GNA15: variants seen among roughly 807,000 people sequenced by gnomAD.
GNA15 encodes the protein guanine nucleotide-binding protein subunit alpha-15.
A neutral mutation model predicts 40.1 loss-of-function variants in GNA15; 23 were observed. The ratio of observed to expected loss-of-function variants is 0.57; its 90% CI spans 0.41 to 0.81. The LOEUF is 0.81. GNA15 is among the 40% of genes least tolerant of loss of function. The pLI is 0.00. For synonymous variants in GNA15, 226 were observed against 210.4 expected, an observed-to-expected ratio of 1.07 and a Z score of -0.64; for missense variants, 522 against 515.8, an observed-to-expected ratio of 1.01 and a Z score of -0.12.
intron 6 of GNA15, among the ~76,000 whole-genome samples, chr19:3,160,657 T>C (rs1915120388): frequency 6.6e-6 from 1 of 152,164 alleles, no homozygotes; most frequent in Admixed American, 6.6e-5. Flanking sequence ...CGTAACAAAG[T>C]ACCACAAACT....
rs748644663 is a variant in GNA15, at chr19:3,150,297, G to C, written c.485+12G>C. ...GATTCAGCCGTGTAGTGAGTCTGGG[G>C]TCTGCGGGGGATGGGCGCGTGGGGA... is the stretch of plus-strand genomic sequence containing the variant. On this transcript the variant is annotated intron_variant, in intron 3 of 6. Transcript: ENST00000262958. The C allele has an allele frequency of 1.1e-5, 17 of 1,551,150 alleles. No homozygotes were observed. The highest frequency in any genetic ancestry group is 1.5e-5 in the Non-Finnish European group (17 of 1,148,972).
Position 3,136,523 on chromosome 19 carries a change from G to C in GNA15, c.73G>C (p.Asp25His). The change falls in exon 1 of 7, where the codon GAC becomes CAC. Residue 25 changes from aspartate to histidine, a missense_variant. Physicochemically the swap from Asp to His is moderately conservative, Grantham distance 81. Coordinates refer to ENST00000262958, the MANE Select transcript of GNA15 (RefSeq NM_002068.4). This position sits in a 1 kb window ranked among gnomAD's most constrained non-coding sequence, Gnocchi z 4.9. ...TEDEKAAARV[D>H]QEINRILLEQ... Reference sequence around the variant, plus strand: ...GGATGAGAAGGCCGCCGCCCGGGTGGACCAGGAGATCAACAGGATCCTCTT... The same window carrying C: ...GGATGAGAAGGCCGCCGCCCGGGTGCACCAGGAGATCAACAGGATCCTCTT... 1 of 1,567,506 alleles carries C rather than the reference G, an allele frequency of 6.4e-7. No individual in the cohort carries two copies. Among genetic ancestry groups the C allele is most frequent in the Non-Finnish European group, 8.6e-7 (1 of 1,156,510 alleles).
At chr19:3,162,116 C>G (rs551142797) in intron 6 of GNA15, among the ~76,000 whole-genome samples, 254 of 152,152 alleles carry the variant, frequency 1.7e-3, no homozygotes, top group African/African-American at 5.8e-3. Context: ...TGGAAGCACT[C>G]TACAAAGCTT....
At position 3,150,189 on chromosome 19, in the gene GNA15, G is replaced by A. The variant is rs765960537; in HGVS notation, c.389G>A (p.Arg130His). 2 of 1,613,246 alleles carry A rather than the reference G, an allele frequency of 1.2e-6. No individual in the cohort carries two copies. The highest frequency in any genetic ancestry group is 8.5e-7 in the Non-Finnish European group (1 of 1,179,754). ...DPYKVTTFEKRYAAAMQWLWR... is the reference protein window; with the variant it reads ...DPYKVTTFEKHYAAAMQWLWR... Reference sequence around the variant, plus strand: ...TATAAAGTGACCACGTTTGAGAAGCGCTACGCTGCGGCCATGCAGTGGCTG... The same window carrying A: ...TATAAAGTGACCACGTTTGAGAAGCACTACGCTGCGGCCATGCAGTGGCTG... The change falls in exon 3 of 7, where the codon CGC becomes CAC. Residue 130 changes from arginine (R) to histidine (H), a missense_variant. Transcript: ENST00000262958.
intron 5 of GNA15, among the ~76,000 whole-genome samples, chr19:3,157,331 C>T (rs1012341080): frequency 1.3e-5 from 2 of 152,134 alleles, no homozygotes; most frequent in Non-Finnish European, 2.9e-5. Flanking sequence ...ACAGCAGTCA[C>T]GGACTTGAGG....
At chr19:3,144,614 C>T (rs897246963) in intron 1 of GNA15, among the ~76,000 whole-genome samples, 9 of 151,234 alleles carry the variant, frequency 6.0e-5, no homozygotes, top group East Asian at 3.9e-4. Flanking sequence ...TTGCAAGCTC[C>T]GCCTCCCCGG....
chr19:3,148,634 G>T lies in GNA15; in HGVS notation c.189G>T (p.Arg63=), dbSNP rs1191612939. The change falls in exon 2 of 7, where the codon CGG becomes CGT. Residue 63 remains arginine (R), a synonymous_variant. Coordinates refer to ENST00000262958, the MANE Select transcript of GNA15 (RefSeq NM_002068.4). ...AGAGCACCTTCATCAAGCAGATGCG[G>T]ATCATCCACGGCGCCGGCTACTCGG... ...SGKSTFIKQM[R]IIHGAGYSEE... is the part of the protein sequence containing the mutation. 5 of 1,587,970 alleles carry T rather than the reference G, an allele frequency of 3.1e-6. No individual in the cohort carries two copies. The highest frequency in any genetic ancestry group is 4.3e-6 in the Non-Finnish European group (5 of 1,166,838).
At chr19:3,159,622 C>T (rs972261885) in intron 6 of GNA15, among the ~76,000 whole-genome samples, 11 of 152,182 alleles carry the variant, frequency 7.2e-5, no homozygotes, top group African/African-American at 2.2e-4. Flanking sequence ...GGATTACAGG[C>T]GTGAGCCACC....
intron 6 of GNA15, among the ~76,000 whole-genome samples, chr19:3,159,279 C>T (rs1915093366): frequency 6.6e-6 from 1 of 151,982 alleles, no homozygotes; most frequent in Admixed American, 6.6e-5. Flanking sequence ...CTGTCTCGGC[C>T]TCCCAAAGTG....
chr19:3,150,098 G>T (rs201778905), intron 2 of GNA15, 33 bp from the exon 3 acceptor site: 6 of 1,601,584 alleles, frequency 3.7e-6, no homozygotes, highest in Admixed American at 1.7e-5. Context: ...ACTCAGAAAG[G>T]CTACCCTAAC....
chr19:3,149,107 GCA>G (rs1387159612), intron 2 of GNA15: 18 of 292,414 alleles, frequency 6.2e-5, no homozygotes, highest in Non-Finnish European at 9.2e-5. Context: ...ACAAATGAAT[GCA>G]CACACGTGCA....
rs1915178932 is a variant in GNA15 at position 3,163,115 on chromosome 19, T to A, written c.*96T>A. On this transcript the variant is annotated 3_prime_UTR_variant, in exon 7 of 7. Transcript: ENST00000262958. Reference sequence around the variant, plus strand: ...GTGTCCCTGGTCTATCTCTCCAGCCTCGGCCCACACGCAAGGGAGTCGGGG... The same window carrying A: ...GTGTCCCTGGTCTATCTCTCCAGCCACGGCCCACACGCAAGGGAGTCGGGG... 4 of 780,964 alleles carry A rather than the reference T, an allele frequency of 5.1e-6. No homozygotes were observed. The Admixed American group carries it at 8.2e-5, about 16-fold the overall frequency. The allele number at this position is 780,964 out of a possible 1,614,324, so 48.4% of individuals were successfully genotyped here.
Position 3,163,046 on chromosome 19 carries a change from A to C in GNA15, c.*27A>C. 1 of 1,516,502 alleles carries C rather than the reference A, an allele frequency of 6.6e-7. No individual in the cohort carries two copies. Among genetic ancestry groups the C allele is most frequent in the Non-Finnish European group, 9.2e-7 (1 of 1,092,520 alleles). 93.9% of individuals were successfully genotyped at this position (1,516,502 alleles called of 1,614,324 possible). ...CCAGGCCCCACCTGGGGCAGGCGGCACCGGCGGGCGGGTGGGAGGTGGGAG... is the reference window on the plus strand; with the variant it reads ...CCAGGCCCCACCTGGGGCAGGCGGCCCCGGCGGGCGGGTGGGAGGTGGGAG... On this transcript the variant is annotated 3_prime_UTR_variant, in exon 7 of 7. Transcript: ENST00000262958.
In GNA15 at chr19:3,136,444, C is replaced by A; in HGVS notation, c.-7C>A. 6.5e-7 allele frequency: 1 copy of A among 1,548,202 alleles called. No homozygotes were observed. Among genetic ancestry groups the A allele is most frequent in the Non-Finnish European group, 8.7e-7 (1 of 1,146,490 alleles). On this transcript the variant is annotated 5_prime_UTR_variant, in exon 1 of 7. Coordinates refer to ENST00000262958, the MANE Select transcript of GNA15 (RefSeq NM_002068.4). The surrounding 1 kb of genome is among the most constrained non-coding windows in gnomAD (Gnocchi z 4.9). ...TGCCACCCGGTGCCGACTGAGGCCA[C>A]CGCACCATGGCCCGCTCGCTGACCT... is the stretch of plus-strand genomic sequence containing the variant.
At position 3,157,814 on chromosome 19, in the gene GNA15, C is replaced by A; in HGVS notation, c.831C>A (p.Asn277Lys). The A allele has an allele frequency of 6.2e-7, 1 of 1,613,672 alleles. No individual in the cohort carries two copies. The highest frequency in any genetic ancestry group is 1.7e-4 in the Middle Eastern group (1 of 6,060). The change falls in exon 6 of 7, where the codon AAC becomes AAA. Residue 277 changes from asparagine to lysine, a missense_variant. Coordinates refer to ENST00000262958, the MANE Select transcript of GNA15 (RefSeq NM_002068.4). ...GCACATCCGTCATCCTCTTTCTCAA[C>A]AAAACCGACATCCTGGAGGAGAAAA... Reference protein sequence around the residue: ...FKSTSVILFLNKTDILEEKIP... With the variant: ...FKSTSVILFLKKTDILEEKIP...
At chr19:3,152,457 G>A (rs1568297454) in intron 4 of GNA15, among the ~76,000 whole-genome samples, 1 of 152,086 alleles carries the variant, frequency 6.6e-6, no homozygotes. Context: ...GTGGGCTAGA[G>A]GATGAAAAGG....
chr19:3,162,803 G>C lies in GNA15; in HGVS notation c.909G>C (p.Gln303His). ...ACACTGTTTCCCCAGGCCCTAAGCA[G>C]GATGCTGAGGCAGCCAAGAGGTTCA... ...TYFPSFQGPKQDAEAAKRFIL... is the reference protein window; with the variant it reads ...TYFPSFQGPKHDAEAAKRFIL... The change falls in exon 7 of 7, where the codon CAG (glutamine) becomes CAC (histidine). Residue 303 changes from glutamine to histidine, a missense_variant. Gln to His is a conservative substitution (Grantham distance 24, BLOSUM62 0). Transcript: ENST00000262958. 1 of 1,612,448 alleles carries C rather than the reference G, an allele frequency of 6.2e-7. No homozygotes were observed. Among genetic ancestry groups the C allele is most frequent in the Non-Finnish European group, 8.5e-7 (1 of 1,178,544 alleles).
chr19:3,136,508 G>A lies in GNA15; in HGVS notation c.58G>A (p.Ala20Thr). The change falls in exon 1 of 7, where the codon GCC (alanine) becomes ACC (threonine). Residue 20 changes from alanine (A) to threonine (T), a missense_variant. Ala to Thr is a moderately conservative substitution (Grantham distance 58, BLOSUM62 0). Transcript: ENST00000262958. This position sits in a 1 kb window ranked among gnomAD's most constrained non-coding sequence, Gnocchi z 4.9. Reference sequence around the variant, plus strand: ...CTGGTGCCTGACGGAGGATGAGAAGGCCGCCGCCCGGGTGGACCAGGAGAT... The same window carrying A: ...CTGGTGCCTGACGGAGGATGAGAAGACCGCCGCCCGGGTGGACCAGGAGAT... ...CPWCLTEDEK[A>T]AARVDQEINR... is the part of the protein sequence containing the mutation. The A allele has an allele frequency of 6.4e-7, 1 of 1,562,030 alleles. No individual in the cohort carries two copies. Among genetic ancestry groups the A allele is most frequent in the Non-Finnish European group, 8.7e-7 (1 of 1,153,662 alleles).
chr19:3,136,204 G>T lies in GNA15; in HGVS notation c.-247G>T. Reference sequence around the variant, plus strand: ...GTCTGGAGGTGGGCGGGGAGCCCTGGCCTCCCCACCTCCTCCCGTCCCCAC... The same window carrying T: ...GTCTGGAGGTGGGCGGGGAGCCCTGTCCTCCCCACCTCCTCCCGTCCCCAC... On this transcript the variant is annotated 5_prime_UTR_variant, in exon 1 of 7. Transcript: ENST00000262958. This position sits in a 1 kb window ranked among gnomAD's most constrained non-coding sequence, Gnocchi z 4.9. The T allele has an allele frequency of 2.1e-6, 1 of 466,592 alleles. No individual in the cohort carries two copies. 28.9% of individuals were successfully genotyped at this position (466,592 alleles called of 1,614,324 possible).
Sources: allele counts gnomAD v4.1 joint callset (sites outside exome capture counted in the v4.1 genomes callset), GRCh38; gene constraint gnomAD v4.1.1; non-coding constraint Gnocchi (gnomAD v3.1); transcripts MANE v1.5; gene names NCBI Gene and HGNC (gene_info 2026-07-23, HGNC 2026-07-21).